NRCAM: variants seen among roughly 807,000 people sequenced by gnomAD.
The protein encoded by NRCAM is NgCAM-related cell adhesion molecule.
NRCAM carries 83 observed loss-of-function variants against 156.5 expected under a neutral mutation model. That is an observed-to-expected ratio of 0.53 (90% CI 0.44 to 0.64). NRCAM has a LOEUF of 0.64. Among genes scored for constraint, NRCAM ranks in the 30% least tolerant of loss-of-function variants. NRCAM has a pLI of 0.00. For missense variants in NRCAM, 1,417 were observed against 1,597.3 expected (o/e 0.89, Z 1.92); for synonymous variants, 538 against 563.9 (o/e 0.95, Z 0.65).
intron 2 of NRCAM, among the ~76,000 whole-genome samples, chr7:108,375,240 T>C (rs1030277009): frequency 2.6e-5 from 4 of 152,144 alleles, no homozygotes; most frequent in Non-Finnish European, 5.9e-5. Context: ...GCAGAGTGCA[T>C]GGCATTTAGA....
intron 2 of NRCAM, among the ~76,000 whole-genome samples, chr7:108,374,524 G>A (rs1318008946): frequency 6.6e-6 from 1 of 152,054 alleles, no homozygotes; most frequent in Non-Finnish European, 1.5e-5. Flanking sequence ...ATTCATTATG[G>A]AGTACTCTCT....
chr7:108,336,359 T>C (rs2099190594), intron 2 of NRCAM, among the ~76,000 whole-genome samples: 1 of 152,176 alleles, frequency 6.6e-6, no homozygotes, highest in Non-Finnish European at 1.5e-5. Flanking sequence ...AAAAATAAAA[T>C]GATAAAAAGC....
At chr7:108,338,436 C>A (rs1005550934) in intron 2 of NRCAM, among the ~76,000 whole-genome samples, 1 of 151,582 alleles carries the variant, frequency 6.6e-6, no homozygotes, top group Admixed American at 6.6e-5. Context: ...GGAGTCTTGT[C>A]CCTGATGTCC....
At chr7:108,190,884 A>G (rs2070929675) in intron 19 of NRCAM, among the ~76,000 whole-genome samples, 1 of 122,172 alleles carries the variant, frequency 8.2e-6, no homozygotes, top group Non-Finnish European at 1.9e-5. Context: ...ATTGAGATGA[A>G]AGCCTAATTT....
At chr7:108,175,380 T>C (rs2060079339) in intron 27 of NRCAM, 23 bp from the exon 28 acceptor site, 2 of 1,553,552 alleles carry the variant, frequency 1.3e-6, no homozygotes, top group Non-Finnish European at 1.7e-6. Flanking sequence ...GAAACAGAAA[T>C]AGGACACTAT....
chr7:108,187,252 C>T (rs914892276), intron 20 of NRCAM, among the ~76,000 whole-genome samples: 1 of 152,192 alleles, frequency 6.6e-6, no homozygotes, highest in African/African-American at 2.4e-5. Flanking sequence ...GGACCTTGCA[C>T]AATTCCCACT....
intron 2 of NRCAM, among the ~76,000 whole-genome samples, chr7:108,383,826 G>GT (rs1158255703): frequency 6.6e-6 from 1 of 152,042 alleles, no homozygotes. Context: ...TGTGTGCTTG[G>GT]TTTTTTTCTT....
intron 1 of NRCAM, among the ~76,000 whole-genome samples, chr7:108,427,773 A>G (rs4730318): frequency 0.9 from 136,210 of 152,188 alleles, 61,374 homozygotes; most frequent in East Asian, 1. Flanking sequence ...GCTGGCAAAC[A>G]AAAGTGATTG....
chr7:108,306,358 A>T (rs898711132), intron 3 of NRCAM, among the ~76,000 whole-genome samples: 1 of 152,124 alleles, frequency 6.6e-6, no homozygotes, highest in African/African-American at 2.4e-5. Context: ...GCTTTTACCA[A>T]TGTTAAAGGT....
At chr7:108,178,213 T>A in intron 25 of NRCAM, 101 bp from the exon 26 acceptor site, 1 of 1,197,576 alleles carries the variant, frequency 8.4e-7, no homozygotes, top group Non-Finnish European at 1.2e-6. Flanking sequence ...GTTTTGAGTT[T>A]CAGTAACTCA....
intron 2 of NRCAM, among the ~76,000 whole-genome samples, chr7:108,354,035 A>G (rs981735642): frequency 6.6e-6 from 1 of 152,256 alleles, no homozygotes; most frequent in Admixed American, 6.5e-5. Context: ...AATTTCTTAT[A>G]TAAATCAGAG....
At chr7:108,225,753 C>A in intron 9 of NRCAM, 52 bp from the exon 10 acceptor site, 1 of 1,120,940 alleles carries the variant, frequency 8.9e-7, no homozygotes, top group South Asian at 1.2e-5. Flanking sequence ...GGAGAAGGGT[C>A]AAAAAGTATT....
Position 108,191,702 on chromosome 7 carries a change from T to C in NRCAM, c.1903+27A>G, listed in dbSNP as rs1333257753. On this transcript the variant is annotated intron_variant, in intron 18 of 32. Coordinates refer to ENST00000379028, the MANE Select transcript of NRCAM (RefSeq NM_001037132.4). ...TTTCAACCAAATGCAGGGAAGCCAG[T>C]TGTGCTATTTTTGTTTTCGTTCTTA... The C allele has an allele frequency of 1.9e-6, 3 of 1,569,424 alleles. No homozygotes were observed. In the Admixed American group the frequency reaches 5.6e-5, roughly 30 times the overall value.
At chr7:108,277,764 C>T (rs1204164638) in intron 3 of NRCAM, among the ~76,000 whole-genome samples, 1 of 152,092 alleles carries the variant, frequency 6.6e-6, no homozygotes, top group Non-Finnish European at 1.5e-5. Context: ...ATTCTCTATC[C>T]AGTTTTGTTC....
chr7:108,306,960 T>C (rs1053015088), intron 3 of NRCAM, among the ~76,000 whole-genome samples: 1 of 152,232 alleles, frequency 6.6e-6, no homozygotes, highest in Non-Finnish European at 1.5e-5. Context: ...CTGGGTGGGA[T>C]TATGCACAGG....
intron 2 of NRCAM, among the ~76,000 whole-genome samples, chr7:108,359,808 C>A (rs1013381823): frequency 6.6e-6 from 1 of 152,192 alleles, no homozygotes; most frequent in African/African-American, 2.4e-5. Context: ...TAGCTCCAAT[C>A]AAGATATAGA....
chr7:108,178,287 T>G, intron 25 of NRCAM, 175 bp from the exon 26 acceptor site: 1 of 577,912 alleles, frequency 1.7e-6, no homozygotes. Context: ...AGTTATTCTC[T>G]TCCTTTTTCT....
chr7:108,151,441 A>G (rs937522063), intron 32 of NRCAM, among the ~76,000 whole-genome samples: 4 of 152,008 alleles, frequency 2.6e-5, no homozygotes, highest in Non-Finnish European at 4.4e-5. Context: ...AAGCCAAGAT[A>G]CAAACATTTC....
intron 3 of NRCAM, among the ~76,000 whole-genome samples, chr7:108,311,572 C>T (rs915089092): frequency 6.6e-6 from 1 of 152,098 alleles, no homozygotes; most frequent in Non-Finnish European, 1.5e-5. Context: ...TCAAGCAGAA[C>T]AAAATTTGTG....
Sources: gnomAD v4.1 joint callset for allele counts (sites outside exome capture counted in the v4.1 genomes callset) on GRCh38, gnomAD v4.1.1 for gene constraint, MANE v1.5 for transcripts, NCBI Gene and HGNC (gene_info 2026-07-23, HGNC 2026-07-21) for gene names.